SLC38A11: variants seen among roughly 807,000 people sequenced by gnomAD.
SLC38A11 encodes solute carrier family 38 member 11.
SLC38A11 carries 51 observed loss-of-function variants against 49.4 expected under a neutral mutation model. The observed-to-expected ratio is 1.03, with a 90% CI of 0.83 to 1.30. SLC38A11 has a LOEUF of 1.30. Ranked by LOEUF, SLC38A11 falls within the 50% of genes most tolerant of loss-of-function variation. SLC38A11 has a pLI of 0.00. For synonymous variants in SLC38A11, 203 were observed against 192.9 expected, an observed-to-expected ratio of 1.05 and a Z score of -0.43; for missense variants, 574 against 556.2, an observed-to-expected ratio of 1.03 and a Z score of -0.32.
chr2:164,936,364 G>A (rs750690553), intron 7 of SLC38A11, among the ~76,000 whole-genome samples: 3 of 151,970 alleles, frequency 2.0e-5, no homozygotes, highest in Non-Finnish European at 2.9e-5. Flanking sequence ...ATTTTGCAAA[G>A]CAACAATTAA....
intron 7 of SLC38A11, among the ~76,000 whole-genome samples, chr2:164,934,048 T>C (rs1393846501): frequency 1.3e-5 from 2 of 152,090 alleles, no homozygotes; most frequent in Admixed American, 6.6e-5. Context: ...CAGAACTAAA[T>C]AGCTATTTGG....
rs921574139 is a variant in SLC38A11, at chr2:164,944,605, C to A, written c.394G>T (p.Asp132Tyr). The change falls in exon 5 of 12, where the codon GAT becomes TAT. Residue 132 changes from aspartate to tyrosine, a missense_variant. Coordinates refer to ENST00000685975, the MANE Select transcript of SLC38A11 (RefSeq NM_001351537.2). ...CTTTGAAAAACTTTGCTCAAAGTAT[C>A]TCCAGCTATTATATTGTAACTTATC... ...AMISYNIIAG[D>Y]TLSKVFQRIP... 3.0e-6 allele frequency: 4 copies of A among 1,341,992 alleles called. No individual in the cohort carries two copies. Among genetic ancestry groups the A allele is most frequent in the Non-Finnish European group, 3.9e-6 (4 of 1,034,604 alleles). The allele number at this position is 1,341,992 out of a possible 1,614,324, so 83.1% of individuals were successfully genotyped here.
intron 8 of SLC38A11, chr2:164,915,699 T>C: frequency 1.9e-6 from 1 of 515,118 alleles, no homozygotes; most frequent in Non-Finnish European, 3.5e-6. Flanking sequence ...GAGAAATAGA[T>C]TTCTCCAAAT....
chr2:164,900,501 T>C (rs561067528), intron 11 of SLC38A11, among the ~76,000 whole-genome samples: 1 of 152,162 alleles, frequency 6.6e-6, no homozygotes, highest in South Asian at 2.1e-4. Context: ...TCCTAAAGGG[T>C]ATGAAGTGAT....
In SLC38A11 at chr2:164,896,917, AT is replaced by A. The variant is rs925742911; in HGVS notation, c.*1519del. On this transcript the variant is annotated 3_prime_UTR_variant, in exon 12 of 12. Coordinates refer to ENST00000685975, the MANE Select transcript of SLC38A11 (RefSeq NM_001351537.2). ...CCTGTAGGATTTCTTTTTGCATTTGATTTGTACAAACTCATCATATATGTAT... is the reference window on the plus strand; with the variant it reads ...CCTGTAGGATTTCTTTTTGCATTTGATTGTACAAACTCATCATATATGTAT... 2 of 151,632 alleles carry A rather than the reference AT, an allele frequency of 1.3e-5. No individual in the cohort carries two copies. Among genetic ancestry groups the A allele is most frequent in the African/African-American group, 4.8e-5 (2 of 41,300 alleles). 9.4% of individuals were successfully genotyped at this position (151,632 alleles called of 1,614,324 possible). A position where few individuals can be genotyped will look rare whatever the true frequency, so the allele number is the denominator to read the frequency against.
At chr2:164,902,767 A>G (rs967762294) in intron 11 of SLC38A11, among the ~76,000 whole-genome samples, 7 of 152,202 alleles carry the variant, frequency 4.6e-5, no homozygotes, top group Non-Finnish European at 1.0e-4. Context: ...GATCCCAATT[A>G]TGTAACTTTT....
At position 164,952,782 on chromosome 2, in the gene SLC38A11, C is replaced by CATA. The variant is rs765487068; in HGVS notation, c.155-2_155-1insTAT. ...GCTTGCTTCATTGAATAAGGCAATC[C>CATA]TGAAAAAACATAAAATGCCCCACCC... On this transcript the variant is annotated splice_acceptor_variant, in intron 2 of 11. Coordinates refer to ENST00000685975, the MANE Select transcript of SLC38A11 (RefSeq NM_001351537.2). LOFTEE classifies it high-confidence loss of function. 6.9e-6 allele frequency: 11 copies of CATA among 1,593,238 alleles called. No individual in the cohort carries two copies. The South Asian group carries it at 1.3e-4, about 19-fold the overall frequency.
At chr2:164,921,462 T>C (rs912846415) in intron 7 of SLC38A11, among the ~76,000 whole-genome samples, 2 of 151,966 alleles carry the variant, frequency 1.3e-5, no homozygotes, top group Non-Finnish European at 2.9e-5. Flanking sequence ...AGCTGGACTA[T>C]AGGTACATGC....
In SLC38A11 at chr2:164,895,379, T is replaced by G. The variant is rs751547273; in HGVS notation, c.*3058A>C. Among the ~76,000 whole-genome samples, 10 of 152,204 alleles carry G rather than the reference T, an allele frequency of 6.6e-5. No individual in the cohort carries two copies. The highest frequency in any genetic ancestry group is 1.3e-4 in the Non-Finnish European group (9 of 68,036). Reference sequence around the variant, plus strand: ...GTACCCTCACTGATGGGTGACCTCATGGTCACTCATTGATTCATGCTTGGG... The same window carrying G: ...GTACCCTCACTGATGGGTGACCTCAGGGTCACTCATTGATTCATGCTTGGG... On this transcript the variant is annotated 3_prime_UTR_variant, in exon 12 of 12. Transcript: ENST00000685975.
intron 7 of SLC38A11, among the ~76,000 whole-genome samples, chr2:164,929,023 T>C (rs191780913): frequency 2.6e-5 from 4 of 152,278 alleles, no homozygotes; most frequent in Admixed American, 2.6e-4. Flanking sequence ...GGTATTTTTT[T>C]AGAGCTCTTA....
chr2:164,918,818 G>GT (rs1229064552), intron 7 of SLC38A11, among the ~76,000 whole-genome samples: 2 of 152,044 alleles, frequency 1.3e-5, no homozygotes, highest in African/African-American at 4.8e-5. Context: ...CAATTAAAAT[G>GT]TTTTTTTAAG....
At position 164,942,247 on chromosome 2, in the gene SLC38A11, G is replaced by A. The variant is rs115419830; in HGVS notation, c.430+2322C>T. ...GCAGATCGTTTGAGCTCAGGAGTTCGAGACAAGCCTGGACAACATAGCAAA... is the reference window on the plus strand; with the variant it reads ...GCAGATCGTTTGAGCTCAGGAGTTCAAGACAAGCCTGGACAACATAGCAAA... On this transcript the variant is annotated intron_variant, in intron 5 of 11. Coordinates refer to ENST00000685975, the MANE Select transcript of SLC38A11 (RefSeq NM_001351537.2). 2.1e-4 allele frequency among the ~76,000 whole-genome samples: 32 copies of A among 151,676 alleles called. 2 individuals are homozygous for A. Among genetic ancestry groups the A allele is most frequent in the African/African-American group, 2.4e-5 (1 of 41,272 alleles).
rs573582516 is a variant in SLC38A11, at chr2:164,946,551, C to T, written c.230-824G>A. Among the ~76,000 whole-genome samples the T allele has an allele frequency of 1.1e-4, 14 of 126,030 alleles. No homozygotes were observed. In the East Asian group the frequency reaches 1.6e-3, roughly 15 times the overall value. The allele number at this position is 126,030 out of a possible 152,430, so 82.7% of individuals were successfully genotyped here. ...ACTTCTCTCCAGCTTGGCAACACAG[C>T]GAGACTCCCTCTCAAAAAAAAAAAA... On this transcript the variant is annotated intron_variant, in intron 3 of 11. Transcript: ENST00000685975.
chr2:164,935,640 A>G (rs1392156740), intron 7 of SLC38A11, among the ~76,000 whole-genome samples: 1 of 151,892 alleles, frequency 6.6e-6, no homozygotes, highest in Non-Finnish European at 1.5e-5. Context: ...CTATGATTGC[A>G]CCATTGCACT....
chr2:164,905,855 C>T (rs1684967756), intron 11 of SLC38A11, among the ~76,000 whole-genome samples: 1 of 152,134 alleles, frequency 6.6e-6, no homozygotes, highest in Non-Finnish European at 1.5e-5. Flanking sequence ...CAGATCTTGA[C>T]TTTAAAATAG....
chr2:164,921,656 A>G (rs1573931250), intron 7 of SLC38A11, among the ~76,000 whole-genome samples: 1 of 152,166 alleles, frequency 6.6e-6, no homozygotes, highest in East Asian at 1.9e-4. Context: ...TGAGAAAAAT[A>G]AACACGTTGA....
chr2:164,929,851 T>C (rs1259323568), intron 7 of SLC38A11, among the ~76,000 whole-genome samples: 1 of 151,408 alleles, frequency 6.6e-6, no homozygotes, highest in Non-Finnish European at 1.5e-5. Flanking sequence ...ACATTACAAG[T>C]AAAAGAACTA....
At chr2:164,922,498 T>A (rs6713342) in intron 7 of SLC38A11, among the ~76,000 whole-genome samples, 97,661 of 151,990 alleles carry the variant, frequency 0.64, 31,555 homozygotes, top group East Asian at 0.7. Context: ...AGACAAAACC[T>A]TGGTTTACAT....
chr2:164,916,047 G>T (rs1470465555), intron 7 of SLC38A11, 74 bp from the exon 8 acceptor site: 18 of 1,026,600 alleles, frequency 1.8e-5, no homozygotes, highest in Non-Finnish European at 2.7e-5. Flanking sequence ...AACAAGAAAT[G>T]GTATCACAAA....
Sources: allele counts gnomAD v4.1 joint callset (sites outside exome capture counted in the v4.1 genomes callset), GRCh38; gene constraint gnomAD v4.1.1; transcripts MANE v1.5; gene names NCBI Gene and HGNC (gene_info 2026-07-23, HGNC 2026-07-21).